The following FAM184A variants were observed in gnomAD, a reference collection of about 807,000 sequenced individuals.
FAM184A encodes family with sequence similarity 184 member A, also known as protein FAM184A.
Under a neutral mutation model 143.8 loss-of-function variants are expected in FAM184A, and 99 were observed. The observed-to-expected ratio is 0.69, with a 90% confidence interval of 0.58 to 0.81. The LOEUF is 0.81. Among genes scored for constraint, FAM184A ranks in the 40% least tolerant of loss-of-function variants. The pLI is 0.00. For missense variants in FAM184A, 1,217 were observed against 1,310.5 expected, an observed-to-expected ratio of 0.93 and a Z score of 1.10; for synonymous variants, 427 against 446.4, an observed-to-expected ratio of 0.96 and a Z score of 0.55.
intron 16 of FAM184A, among the ~76,000 whole-genome samples, chr6:118,964,441 C>CA (rs1783430832): frequency 6.6e-6 from 1 of 152,032 alleles, no homozygotes; most frequent in Admixed American, 6.6e-5. Context: ...AAGGTAGAAT[C>CA]AAGTTTTATA....
intron 1 of FAM184A, among the ~76,000 whole-genome samples, chr6:119,036,650 C>T (rs1786126265): frequency 6.6e-6 from 1 of 152,084 alleles, no homozygotes; most frequent in South Asian, 2.1e-4. Context: ...TGCTACCATA[C>T]TTCAACAACA....
chr6:118,963,923 G>A (rs967003454), intron 16 of FAM184A: 1 of 152,014 alleles, frequency 6.6e-6, no homozygotes, highest in Non-Finnish European at 1.5e-5. Flanking sequence ...GCCATGGGAA[G>A]CTAGGGTACA....
In FAM184A at chr6:119,024,134, C is replaced by T; in HGVS notation, c.839G>A (p.Ser280Asn). ...QLFTAESLQA[S>N]KEKEADLRKE... ...TCTAAGATCAGCTTCCTTTTCTTTG[C>T]TGGCCTGTAGGCTTTCTGCTGTAAA... Residue 280 changes from serine to asparagine, a missense_variant, in exon 2 of 18, where the codon AGC becomes AAC. Coordinates refer to ENST00000338891, the MANE Select transcript of FAM184A (RefSeq NM_024581.6). 1 of 1,614,114 alleles carries T rather than the reference C, an allele frequency of 6.2e-7. No homozygotes were observed. Among genetic ancestry groups the T allele is most frequent in the Non-Finnish European group, 8.5e-7 (1 of 1,180,026 alleles).
At chr6:119,050,229 G>T (rs1042737951) in intron 1 of FAM184A, among the ~76,000 whole-genome samples, 3 of 152,124 alleles carry the variant, frequency 2.0e-5, no homozygotes, top group Non-Finnish European at 4.4e-5. Flanking sequence ...ATTGCTGGTG[G>T]GAGTGTTAAT....
chr6:119,040,486 T>C (rs190812684), intron 1 of FAM184A, among the ~76,000 whole-genome samples: 48 of 152,282 alleles, frequency 3.2e-4, no homozygotes, highest in Admixed American at 3.0e-3. Context: ...CAGGTCACCT[T>C]GCCGGGTGGC....
intron 1 of FAM184A, among the ~76,000 whole-genome samples, chr6:119,112,317 G>A (rs1050050940): frequency 6.6e-6 from 1 of 151,828 alleles, no homozygotes; most frequent in South Asian, 2.1e-4. Context: ...TAGTAGAGAC[G>A]GGGTTTCTCC....
chr6:118,996,558 C>G (rs1784552004), intron 9 of FAM184A, among the ~76,000 whole-genome samples: 1 of 152,104 alleles, frequency 6.6e-6, no homozygotes, highest in African/African-American at 2.4e-5. Context: ...TTATCTTACT[C>G]CAGCCATCTC....
chr6:119,087,255 TAAA>T (rs1788245700), intron 1 of FAM184A, among the ~76,000 whole-genome samples: 1 of 152,050 alleles, frequency 6.6e-6, no homozygotes, highest in Non-Finnish European at 1.5e-5. Flanking sequence ...TTCATCAAGA[TAAA>T]AACTTTTATG....
chr6:119,014,527 A>G (rs1785179699), intron 5 of FAM184A, among the ~76,000 whole-genome samples: 1 of 152,254 alleles, frequency 6.6e-6, no homozygotes, highest in African/African-American at 2.4e-5. Context: ...TCAAAGAAGA[A>G]AACTATCTAC....
At position 119,019,948 on chromosome 6, in the gene FAM184A, G is replaced by C. The variant is rs569573327; in HGVS notation, c.1332+30C>G. The stretch of plus-strand genomic sequence containing the variant: ...AAAAAGAGAAAAACGGAACTCTTTC[G>C]GGGGGAATGGAGTGTCCATTACTTT... On this transcript the variant is annotated intron_variant, in intron 4 of 17. Transcript: ENST00000338891. 2.0e-6 allele frequency: 3 copies of C among 1,474,654 alleles called. No individual in the cohort carries two copies. In the African/African-American group the frequency reaches 4.3e-5, roughly 21 times the overall value. The allele number at this position is 1,474,654 out of a possible 1,614,324, so 91.3% of individuals were successfully genotyped here.
At chr6:118,984,630 A>T (rs896489416) in intron 9 of FAM184A, among the ~76,000 whole-genome samples, 3 of 152,186 alleles carry the variant, frequency 2.0e-5, no homozygotes, top group African/African-American at 7.2e-5. Flanking sequence ...TCTACATCTT[A>T]CCTACAACCT....
chr6:119,129,721 T>TG (rs760505281), intron 1 of FAM184A, among the ~76,000 whole-genome samples: 1,380 of 123,662 alleles, frequency 0.011, 46 homozygotes, highest in Admixed American at 0.037. Flanking sequence ...TGTGTGTGTG[T>TG]GTGGGGGGTT....
intron 9 of FAM184A, among the ~76,000 whole-genome samples, chr6:118,999,639 T>C (rs1784685639): frequency 6.6e-6 from 1 of 152,224 alleles, no homozygotes; most frequent in Non-Finnish European, 1.5e-5. Context: ...CCAAGCACAC[T>C]GGCTATATTA....
At chr6:119,050,833 C>T (rs1380075698) in intron 1 of FAM184A, among the ~76,000 whole-genome samples, 1 of 151,182 alleles carries the variant, frequency 6.6e-6, no homozygotes, top group Non-Finnish European at 1.5e-5. Flanking sequence ...AAAAAGAGAT[C>T]ATGTCTTTTG....
At chr6:118,970,923 T>C (rs990631441) in intron 14 of FAM184A, among the ~76,000 whole-genome samples, 5 of 152,204 alleles carry the variant, frequency 3.3e-5, no homozygotes, top group Admixed American at 6.5e-5. Flanking sequence ...TTCCAAGTTA[T>C]AGTCTTGTTA....
chr6:119,075,939 T>A (rs1787857089), intron 1 of FAM184A, among the ~76,000 whole-genome samples: 1 of 152,230 alleles, frequency 6.6e-6, no homozygotes, highest in Admixed American at 6.5e-5. Flanking sequence ...CAGAGTCCTA[T>A]TATCAAACTG....
At chr6:119,093,922 A>G (rs1019251479) in intron 1 of FAM184A, among the ~76,000 whole-genome samples, 21 of 151,704 alleles carry the variant, frequency 1.4e-4, no homozygotes, top group Admixed American at 3.9e-4. Context: ...CACCCCTAAG[A>G]TTGAATTTGG....
intron 1 of FAM184A, among the ~76,000 whole-genome samples, chr6:119,114,256 T>C (rs1216289872): frequency 1.3e-5 from 2 of 152,144 alleles, no homozygotes; most frequent in East Asian, 3.9e-4. Context: ...ATTTGGCAAA[T>C]AAAAATACAG....
chr6:119,091,083 G>T (rs1023152461), intron 1 of FAM184A, among the ~76,000 whole-genome samples: 5 of 152,174 alleles, frequency 3.3e-5, no homozygotes, highest in African/African-American at 9.7e-5. Context: ...TGAGCAGGGG[G>T]TAGTCATAGC....
Sources: allele counts gnomAD v4.1 joint callset (sites outside exome capture counted in the v4.1 genomes callset), GRCh38; gene constraint gnomAD v4.1.1; transcripts MANE v1.5; gene names NCBI Gene and HGNC (gene_info 2026-07-23, HGNC 2026-07-21).